ESRRG: variants seen among roughly 807,000 people sequenced by gnomAD.
ESRRG encodes the protein estrogen related receptor gamma.
Under a neutral mutation model 44.0 loss-of-function variants are expected in ESRRG, and 13 were observed. The observed-to-expected ratio is 0.30, with a 90% CI of 0.19 to 0.47. The LOEUF (loss-of-function observed/expected upper bound fraction) is 0.47, where lower values mean the gene tolerates loss of function less well. Among genes scored for constraint, ESRRG ranks in the 20% least tolerant of loss-of-function variants. ESRRG has a pLI of 1.00. For synonymous variants in ESRRG, 215 were observed against 214.6 expected (o/e 1.00, Z -0.02); for missense variants, 395 against 580.6 (o/e 0.68, Z 3.29).
chr1:217,066,057 C>G, intron 1 of ESRRG, among the ~76,000 whole-genome samples: 1 of 152,194 alleles, frequency 6.6e-6, no homozygotes. Context: ...TGGACAGTCA[C>G]TCTGAACAGT....
At chr1:216,581,990 G>A (rs1412950425) in intron 3 of ESRRG, among the ~76,000 whole-genome samples, 10 of 152,140 alleles carry the variant, frequency 6.6e-5, no homozygotes, top group Admixed American at 6.5e-4. Flanking sequence ...TTGACAATTG[G>A]CTGGTTACAT....
chr1:216,709,329 A>ATGTG (rs201655451), intron 1 of ESRRG, among the ~76,000 whole-genome samples: 9 of 92,406 alleles, frequency 9.7e-5, no homozygotes, highest in Non-Finnish European at 1.8e-4. Flanking sequence ...ATATATGTGT[A>ATGTG]TGTGTGTGTG....
chr1:216,779,883 G>A (rs1303604075), intron 2 of ESRRG, among the ~76,000 whole-genome samples: 1 of 151,328 alleles, frequency 6.6e-6, no homozygotes, highest in Admixed American at 6.6e-5. Flanking sequence ...CTGTTCAAAG[G>A]GCATCATAAT....
intron 1 of ESRRG, among the ~76,000 whole-genome samples, chr1:217,114,487 G>T (rs1016227740): frequency 6.6e-6 from 1 of 151,926 alleles, no homozygotes; most frequent in Non-Finnish European, 1.5e-5. Flanking sequence ...GAGCATTTAG[G>T]CTTACCGAAT....
intron 2 of ESRRG, among the ~76,000 whole-genome samples, chr1:216,766,047 C>T (rs1311120663): frequency 6.6e-6 from 1 of 152,038 alleles, no homozygotes; most frequent in Non-Finnish European, 1.5e-5. Flanking sequence ...TAAAGCAAAG[C>T]AATCTTCGTC....
At chr1:217,056,844 A>G (rs1654101672) in intron 1 of ESRRG, among the ~76,000 whole-genome samples, 1 of 151,952 alleles carries the variant, frequency 6.6e-6, no homozygotes, top group Non-Finnish European at 1.5e-5. Context: ...TCTGCATGGA[A>G]TCAGCACCTG....
At chr1:216,817,303 A>G (rs945474989) in intron 2 of ESRRG, among the ~76,000 whole-genome samples, 3 of 152,250 alleles carry the variant, frequency 2.0e-5, no homozygotes, top group Non-Finnish European at 4.4e-5. Flanking sequence ...CCAATGTATC[A>G]TCTGAGTATG....
chr1:216,975,338 T>C (rs1350416353), intron 1 of ESRRG, among the ~76,000 whole-genome samples: 3 of 152,118 alleles, frequency 2.0e-5, no homozygotes, highest in South Asian at 2.1e-4. Context: ...AGGACAGACA[T>C]GGAAAGGGGA....
chr1:216,995,788 G>T (rs906977447), intron 1 of ESRRG, among the ~76,000 whole-genome samples: 1 of 152,156 alleles, frequency 6.6e-6, no homozygotes, highest in African/African-American at 2.4e-5. Context: ...AGAATTTTAA[G>T]AATTGCTTAC....
chr1:216,698,241 G>C (rs2080600437), intron 1 of ESRRG, among the ~76,000 whole-genome samples: 1 of 152,164 alleles, frequency 6.6e-6, no homozygotes, highest in Admixed American at 6.5e-5. Flanking sequence ...GTTTTGGCGG[G>C]GCGCGGTGGC....
intron 2 of ESRRG, among the ~76,000 whole-genome samples, chr1:216,849,902 G>A (rs961477214): frequency 1.3e-5 from 2 of 152,016 alleles, no homozygotes; most frequent in Admixed American, 6.6e-5. Context: ...TCACATGGAA[G>A]GTATCTTCTT....
chr1:216,613,486 C>A (rs1472417442), intron 3 of ESRRG, among the ~76,000 whole-genome samples: 1 of 152,092 alleles, frequency 6.6e-6, no homozygotes, highest in African/African-American at 2.4e-5. Flanking sequence ...ATCTGTAATT[C>A]TGGGAAATTG....
chr1:216,604,305 G>A (rs1455299219), intron 3 of ESRRG, among the ~76,000 whole-genome samples: 1 of 152,194 alleles, frequency 6.6e-6, no homozygotes, highest in African/African-American at 2.4e-5. Flanking sequence ...AAGAGGGCCT[G>A]TTGGACTGAG....
intron 3 of ESRRG, among the ~76,000 whole-genome samples, chr1:216,612,540 C>T (rs879155435): frequency 6.6e-6 from 1 of 152,212 alleles, no homozygotes; most frequent in East Asian, 1.9e-4. Flanking sequence ...CCACCCCCCT[C>T]CTTTCTTGTT....
At chr1:216,935,064 T>C (rs751510816) in intron 2 of ESRRG, among the ~76,000 whole-genome samples, 53 of 152,180 alleles carry the variant, frequency 3.5e-4, no homozygotes, top group Non-Finnish European at 7.2e-4. Context: ...TGTAATAACA[T>C]AGGAAAAATT....
At chr1:217,129,111 G>A (rs58237679) in intron 1 of ESRRG, among the ~76,000 whole-genome samples, 1,932 of 151,932 alleles carry the variant, frequency 0.013, 48 homozygotes, top group African/African-American at 0.043. Context: ...TTTAATATTC[G>A]GAATATATAA....
chr1:216,942,756 G>T (rs1192391551), intron 1 of ESRRG, among the ~76,000 whole-genome samples: 1 of 151,936 alleles, frequency 6.6e-6, no homozygotes, highest in Non-Finnish European at 1.5e-5. Flanking sequence ...TTTTTAATGG[G>T]GCCATTTGTT....
chr1:217,108,980 C>A (rs1470372907), intron 1 of ESRRG, among the ~76,000 whole-genome samples: 3 of 152,122 alleles, frequency 2.0e-5, no homozygotes, highest in Non-Finnish European at 2.9e-5. Flanking sequence ...TTAAATGGAT[C>A]TTTAAAAAAT....
intron 3 of ESRRG, among the ~76,000 whole-genome samples, chr1:216,610,205 A>T (rs1217330819): frequency 5.0e-5 from 7 of 139,152 alleles, no homozygotes; most frequent in African/African-American, 1.7e-4. Flanking sequence ...TACAAAATTC[A>T]GTGCTTTTTT....
Sources: allele counts gnomAD v4.1 joint callset (sites outside exome capture counted in the v4.1 genomes callset), GRCh38; gene constraint gnomAD v4.1.1; transcripts MANE v1.5; gene names NCBI Gene and HGNC (gene_info 2026-07-23, HGNC 2026-07-21).